Variants in LMNA observed in about 807,000 individuals in gnomAD.
LMNA encodes the protein lamin A/C.
A neutral mutation model predicts 70.4 loss-of-function variants in LMNA; 20 were observed. That is an observed-to-expected ratio of 0.28 (90% CI 0.20 to 0.41). The LOEUF is 0.41. Ranked by LOEUF, LMNA falls within the 10% of genes least tolerant of loss-of-function variation. LMNA has a pLI of 1.00. For missense variants in LMNA, 652 were observed against 917.2 expected, an observed-to-expected ratio of 0.71 and a Z score of 3.73; for synonymous variants, 339 against 372.8, an observed-to-expected ratio of 0.91 and a Z score of 1.04.
chr1:156,125,130 G>A (rs1375930369), intron 1 of LMNA, among the ~76,000 whole-genome samples: 1 of 152,180 alleles, frequency 6.6e-6, no homozygotes, highest in Non-Finnish European at 1.5e-5. Context: ...CTAGTCTCCG[G>A]GTATTTGTGG....
chr1:156,118,979 T>A (rs1048558312), intron 1 of LMNA, among the ~76,000 whole-genome samples: 1 of 152,172 alleles, frequency 6.6e-6, no homozygotes, highest in Non-Finnish European at 1.5e-5. Context: ...AGGGTCTTGT[T>A]CTGTTGCCCA....
chr1:156,136,202 C>G lies in LMNA; in HGVS notation c.1158-12C>G, dbSNP rs372934817. The G allele has an allele frequency of 7.1e-5, 114 of 1,612,768 alleles. No homozygotes were observed. Among genetic ancestry groups the G allele is most frequent in the Non-Finnish European group, 8.9e-5 (105 of 1,179,880 alleles). ...CCTTGACTAGACCCCCACTTGGTCTCCCTCTCCCCAGGCTACGCCTGTCCC... is the reference window on the plus strand; with the variant it reads ...CCTTGACTAGACCCCCACTTGGTCTGCCTCTCCCCAGGCTACGCCTGTCCC... On this transcript the variant is annotated splice_polypyrimidine_tract_variant and intron_variant, in intron 6 of 11. Coordinates refer to ENST00000368300, the MANE Select transcript of LMNA (RefSeq NM_170707.4). This position sits in a 1 kb window ranked among gnomAD's most constrained non-coding sequence, Gnocchi z 6.1.
intron 3 of LMNA, among the ~76,000 whole-genome samples, chr1:156,096,201 A>AG (rs1648930738): frequency 6.6e-6 from 1 of 152,070 alleles, no homozygotes; most frequent in South Asian, 2.1e-4. Context: ...CTACACAGCC[A>AG]GGGGCTCCCC....
intron 1 of LMNA, among the ~76,000 whole-genome samples, chr1:156,119,028 G>A (rs978286227): frequency 6.6e-6 from 1 of 151,864 alleles, no homozygotes; most frequent in Admixed American, 6.6e-5. Context: ...TCACTGCAAC[G>A]TCAGCCTCAC....
At chr1:156,131,512 C>A (rs1363030604) in intron 2 of LMNA, among the ~76,000 whole-genome samples, 3 of 152,120 alleles carry the variant, frequency 2.0e-5, no homozygotes, top group Non-Finnish European at 4.4e-5. Context: ...ATGGCTTGAA[C>A]CTGAGAGGTC....
intron 3 of LMNA, among the ~76,000 whole-genome samples, chr1:156,105,777 G>A (rs1030449828): frequency 6.6e-6 from 1 of 152,144 alleles, no homozygotes; most frequent in Non-Finnish European, 1.5e-5. Context: ...CCACAAAATT[G>A]TGTGCACTTT....
At chr1:156,117,146 T>A (rs948910794) in intron 1 of LMNA, among the ~76,000 whole-genome samples, 1 of 150,132 alleles carries the variant, frequency 6.7e-6, no homozygotes, top group African/African-American at 2.5e-5. Context: ...GCTAGGCTGG[T>A]CTCAAACTCC....
intron 3 of LMNA, among the ~76,000 whole-genome samples, chr1:156,095,965 C>T (rs1010116044): frequency 2.0e-5 from 3 of 152,214 alleles, no homozygotes; most frequent in South Asian, 2.1e-4. Context: ...TGAGCAGAGG[C>T]GTGATCTACT....
At chr1:156,095,225 G>A (rs1321132404) in intron 3 of LMNA, among the ~76,000 whole-genome samples, 3 of 151,984 alleles carry the variant, frequency 2.0e-5, no homozygotes, top group African/African-American at 4.8e-5. Context: ...CACTGCACCC[G>A]GCCAACTCCC....
intron 1 of LMNA, among the ~76,000 whole-genome samples, chr1:156,118,043 C>T (rs1405730997): frequency 1.3e-4 from 19 of 147,546 alleles, no homozygotes; most frequent in African/African-American, 3.3e-4. Context: ...CAGCTGGTTC[C>T]GAAGTTTTGG....
At chr1:156,130,330 A>G (rs537423428) in intron 1 of LMNA, among the ~76,000 whole-genome samples, 1 of 152,238 alleles carries the variant, frequency 6.6e-6, no homozygotes, top group East Asian at 1.9e-4. Flanking sequence ...GAGAGGGAAA[A>G]GCATTCATAT....
chr1:156,126,268 G>C, intron 1 of LMNA: 1 of 1,400,930 alleles, frequency 7.1e-7, no homozygotes, highest in African/African-American at 1.4e-5. Flanking sequence ...TCCCTGCAGG[G>C]CTGGGCCAGC....
chr1:156,122,147 G>C (rs1436388249), intron 1 of LMNA, among the ~76,000 whole-genome samples: 2 of 152,094 alleles, frequency 1.3e-5, no homozygotes, highest in Non-Finnish European at 2.9e-5. Context: ...AAGGGGCAAG[G>C]TAGTCCACCA....
At chr1:156,116,595 G>T (rs1364284724) in intron 1 of LMNA, among the ~76,000 whole-genome samples, 1 of 152,116 alleles carries the variant, frequency 6.6e-6, no homozygotes, top group Non-Finnish European at 1.5e-5. Context: ...TGCTAGGTGT[G>T]GTTTTGTTGC....
In LMNA at chr1:156,114,830, C is replaced by G. The variant is rs1649685095; in HGVS notation, c.-89C>G. 1.1e-6 allele frequency: 1 copy of G among 922,450 alleles called. No homozygotes were observed. Among genetic ancestry groups the G allele is most frequent in the Admixed American group, 3.0e-5 (1 of 33,454 alleles). The allele number at this position is 922,450 out of a possible 1,614,324, so 57.1% of individuals were successfully genotyped here. Reference sequence around the variant, plus strand: ...CGAGAGCCAGCCGGCCGGCGCACTCCGACTCCGAGCAGTCTCTGTCCTTCG... The same window carrying G: ...CGAGAGCCAGCCGGCCGGCGCACTCGGACTCCGAGCAGTCTCTGTCCTTCG... On this transcript the variant is annotated 5_prime_UTR_variant, in exon 1 of 12. Transcript: ENST00000368300.
chr1:156,120,731 C>T (rs370712305), intron 1 of LMNA, among the ~76,000 whole-genome samples: 1 of 152,092 alleles, frequency 6.6e-6, no homozygotes. Context: ...AAAAACAAAA[C>T]AAAACTCTGC....
intron 1 of LMNA, among the ~76,000 whole-genome samples, chr1:156,120,302 T>C (rs1330066267): frequency 6.6e-6 from 1 of 152,230 alleles, no homozygotes; most frequent in Non-Finnish European, 1.5e-5. Flanking sequence ...GGGTGTGCTC[T>C]TACCATTAAG....
At chr1:156,116,364 A>C (rs1572334433) in intron 1 of LMNA, among the ~76,000 whole-genome samples, 1 of 93,880 alleles carries the variant, frequency 1.1e-5, no homozygotes. Context: ...ACTCAACTGC[A>C]CCTTCTTCTT....
chr1:156,135,968 G>T lies in LMNA; in HGVS notation c.1004G>T (p.Arg335Leu). The T allele has an allele frequency of 6.2e-7, 1 of 1,614,022 alleles. No individual in the cohort carries two copies. Among genetic ancestry groups the T allele is most frequent in the Non-Finnish European group, 8.5e-7 (1 of 1,180,010 alleles). ...CTGGCCCGTGAGCGGGACACCAGCC[G>T]GCGGCTGCTGGCGGAAAAGGAGCGG... The part of the protein sequence containing the change: ...DSLARERDTS[R>L]RLLAEKEREM... Residue 335 changes from arginine (R) to leucine (L), a missense_variant, in exon 6 of 12, where the codon CGG becomes CTG. By Grantham distance (102) the Arg-to-Leu change is moderately radical. Around this residue, in one of 4 missense-constraint regions of LMNA, gnomAD observed 38 missense variants for 32.5 expected, o/e 1.17. Transcript: ENST00000368300. This position sits in a 1 kb window ranked among gnomAD's most constrained non-coding sequence, Gnocchi z 4.8.
Sources: allele counts gnomAD v4.1 joint callset (sites outside exome capture counted in the v4.1 genomes callset), GRCh38; gene constraint gnomAD v4.1.1; regional missense constraint gnomAD v4.1.1; non-coding constraint Gnocchi (gnomAD v3.1); transcripts MANE v1.5; gene names NCBI Gene and HGNC (gene_info 2026-07-23, HGNC 2026-07-21).